The following IGSF10 variants were observed in gnomAD, a reference collection of about 807,000 sequenced individuals.
The protein encoded by IGSF10 is calvaria mechanical force protein 608.
In IGSF10, 126 loss-of-function variants were observed where a neutral mutation model predicts 128.2. That is an observed-to-expected ratio of 0.98 (90% confidence interval 0.85 to 1.14). The LOEUF (loss-of-function observed/expected upper bound fraction) is 1.14. Ranked by LOEUF, IGSF10 falls within the 50% of genes most tolerant of loss-of-function variation. The probability of loss-of-function intolerance (pLI) is 0.00; values close to 1 mark genes in which losing one functional copy is unlikely to be tolerated. For missense variants in IGSF10, 3,295 were observed against 3,149.8 expected, an observed-to-expected ratio of 1.05 and a Z score of -1.10; for synonymous variants, 1,185 against 1,146.2, an observed-to-expected ratio of 1.03 and a Z score of -0.68.
chr3:151,470,726 G>A, the IGSF10 span, among the ~76,000 whole-genome samples: 6 of 149,612 alleles, frequency 4.0e-5, no homozygotes, highest in African/African-American at 1.5e-4. Flanking sequence ...CAGTCACTAA[G>A]GCATATCCTA....
At chr3:151,480,267 G>A in the IGSF10 span, among the ~76,000 whole-genome samples, 1 of 152,076 alleles carries the variant, frequency 6.6e-6, no homozygotes, top group African/African-American at 2.4e-5. Flanking sequence ...GATGCTGCAT[G>A]GAGAAGGGAA....
chr3:151,546,443 G>A, the IGSF10 span, among the ~76,000 whole-genome samples: 2 of 152,004 alleles, frequency 1.3e-5, no homozygotes, highest in Admixed American at 6.6e-5. Context: ...GACCCTCAGG[G>A]CTCAAGCGAT....
chr3:151,434,219 TC>T (rs1446270604), downstream of IGSF10: 1 of 152,226 alleles, frequency 6.6e-6, no homozygotes, highest in African/African-American at 2.4e-5. Flanking sequence ...ACCATGTAAA[TC>T]TACTTTTTTT....
chr3:151,528,273 A>G, the IGSF10 span, among the ~76,000 whole-genome samples: 42 of 152,152 alleles, frequency 2.8e-4, no homozygotes, highest in African/African-American at 9.2e-4. Flanking sequence ...GTCATTCATA[A>G]TTTTATTCTA....
chr3:151,563,174 A>G, the IGSF10 span, among the ~76,000 whole-genome samples: 2 of 152,000 alleles, frequency 1.3e-5, no homozygotes, highest in African/African-American at 2.4e-5. Context: ...TGTGTCTGCC[A>G]TATATCTTCT....
the IGSF10 span, among the ~76,000 whole-genome samples, chr3:151,507,259 T>A: frequency 3.3e-5 from 5 of 152,148 alleles, no homozygotes; most frequent in Non-Finnish European, 5.9e-5. Context: ...GGACTCAGAA[T>A]GGCCCTGACC....
At chr3:151,483,712 G>A in the IGSF10 span, among the ~76,000 whole-genome samples, 4 of 152,190 alleles carry the variant, frequency 2.6e-5, no homozygotes, top group African/African-American at 7.2e-5. Flanking sequence ...ACAAGGGTCA[G>A]GGAACTCCCT....
chr3:151,508,099 A>G, the IGSF10 span, among the ~76,000 whole-genome samples: 2 of 152,168 alleles, frequency 1.3e-5, no homozygotes, highest in African/African-American at 2.4e-5. Context: ...ACTAGATACG[A>G]GAGAAGCAAT....
the IGSF10 span, among the ~76,000 whole-genome samples, chr3:151,484,578 C>T: frequency 2.6e-5 from 4 of 152,096 alleles, no homozygotes; most frequent in African/African-American, 9.7e-5. Context: ...AGGTGCCCCT[C>T]TGGGACAAAG....
At chr3:151,571,216 T>C in the IGSF10 span, among the ~76,000 whole-genome samples, 1 of 152,218 alleles carries the variant, frequency 6.6e-6, no homozygotes, top group Non-Finnish European at 1.5e-5. Flanking sequence ...CAATGAAGGC[T>C]CTTTTTTGGT....
At chr3:151,595,252 T>G in the IGSF10 span, among the ~76,000 whole-genome samples, 2 of 151,646 alleles carry the variant, frequency 1.3e-5, no homozygotes, top group Non-Finnish European at 2.9e-5. Context: ...GACCCAGTAA[T>G]CCCCCTCTTC....
the IGSF10 span, among the ~76,000 whole-genome samples, chr3:151,471,762 T>C: frequency 6.6e-6 from 1 of 152,214 alleles, no homozygotes; most frequent in African/African-American, 2.4e-5. Context: ...CTCATACTTG[T>C]AGAACTGAAC....
the IGSF10 span, among the ~76,000 whole-genome samples, chr3:151,598,110 T>TGTGTGTGTGA: frequency 1.5e-4 from 22 of 148,660 alleles, no homozygotes; most frequent in Admixed American, 2.7e-4. Flanking sequence ...TGTGTGTGTG[T>TGTGTGTGTGA]GAATACTTCA....
upstream of IGSF10, among the ~76,000 whole-genome samples, chr3:151,464,555 A>G (rs1208919472): frequency 1.3e-5 from 2 of 152,202 alleles, no homozygotes; most frequent in African/African-American, 4.8e-5. Context: ...CAAGTCATAG[A>G]TCACCTGACA....
the IGSF10 span, among the ~76,000 whole-genome samples, chr3:151,513,369 A>G: frequency 4.3e-4 from 65 of 152,306 alleles, no homozygotes; most frequent in East Asian, 5.4e-3. Flanking sequence ...AAAGACAAAA[A>G]CTACATGATT....
chr3:151,455,756 T>C (rs1332019258), intron 4 of IGSF10, among the ~76,000 whole-genome samples: 1 of 152,212 alleles, frequency 6.6e-6, no homozygotes, highest in Non-Finnish European at 1.5e-5. Context: ...TGGTTATGAG[T>C]AATATGACTA....
chr3:151,495,494 C>T, the IGSF10 span, among the ~76,000 whole-genome samples: 2 of 152,030 alleles, frequency 1.3e-5, no homozygotes, highest in Non-Finnish European at 2.9e-5. Context: ...GCTAAAACAC[C>T]AATTCTACAT....
At position 151,453,408 on chromosome 3, in the gene IGSF10, A is replaced by T. The variant is rs759506514; in HGVS notation, c.691T>A (p.Ser231Thr). The change falls in exon 5 of 8, where the codon TCT (serine) becomes ACT (threonine). Residue 231 changes from serine (S) to threonine (T), a missense_variant. Ser to Thr is a moderately conservative substitution (Grantham distance 58). Coordinates refer to ENST00000282466, the MANE Select transcript of IGSF10 (RefSeq NM_178822.5). ...WTCDCHLKWL[S>T]DWIQEKPDVI... ...CCTGGCTTCTCCTGTATCCAGTCAG[A>T]CAACCACTTTAAATGGCAATCACAG... 20 of 1,603,674 alleles carry T rather than the reference A, an allele frequency of 1.2e-5. No individual in the cohort carries two copies. In the East Asian group the frequency reaches 4.5e-4, roughly 36 times the overall value.
chr3:151,578,986 T>C, the IGSF10 span, among the ~76,000 whole-genome samples: 1 of 152,190 alleles, frequency 6.6e-6, no homozygotes, highest in African/African-American at 2.4e-5. Context: ...ATAAGTTGTG[T>C]CAGTCTATCA....
Sources: gnomAD v4.1 joint callset for allele counts (sites outside exome capture counted in the v4.1 genomes callset) on GRCh38, gnomAD v4.1.1 for gene constraint, MANE v1.5 for transcripts, NCBI Gene and HGNC (gene_info 2026-07-23, HGNC 2026-07-21) for gene names.